Variants in BCR observed in about 807,000 individuals in gnomAD.
The protein encoded by BCR is BCR activator of RhoGEF and GTPase.
BCR carries 58 observed loss-of-function variants against 138.6 expected under a neutral mutation model. The observed-to-expected ratio is 0.42, with a 90% CI of 0.34 to 0.52. The LOEUF is 0.52. Among genes scored for constraint, BCR ranks in the 20% least tolerant of loss-of-function variants. The pLI, the probability that BCR is intolerant of heterozygous loss-of-function variation, is 0.06. For synonymous variants in BCR, 786 were observed against 730.1 expected (o/e 1.08, Z -1.23); for missense variants, 1,599 against 1,727.2 (o/e 0.93, Z 1.32).
intron 3 of BCR, 36 bp from the exon 4 acceptor site, chr22:23,261,319 T>C: frequency 6.3e-7 from 1 of 1,592,712 alleles, no homozygotes; most frequent in Non-Finnish European, 8.6e-7. Context: ...TGGCAGCCCC[T>C]CTCACCTGTG....
At chr22:23,254,571 C>T (rs1000294190) in intron 2 of BCR, 1 of 518,700 alleles carries the variant, frequency 1.9e-6, no homozygotes, top group Non-Finnish European at 3.8e-6. Flanking sequence ...GGACCCACGC[C>T]CCCCCTCACA....
At chr22:23,266,388 C>CTT (rs1022294438) in intron 4 of BCR, among the ~76,000 whole-genome samples, 1 of 143,750 alleles carries the variant, frequency 7.0e-6, no homozygotes, top group Non-Finnish European at 1.5e-5. Flanking sequence ...CGCACCCTGC[C>CTT]TTTTTTTTTT....
chr22:23,202,819 A>G (rs1039730246), intron 1 of BCR, among the ~76,000 whole-genome samples: 1 of 150,672 alleles, frequency 6.6e-6, no homozygotes, highest in Non-Finnish European at 1.5e-5. Context: ...TTAAATGTAC[A>G]GTTCAGTGGC....
chr22:23,197,685 T>C (rs997660503), intron 1 of BCR, among the ~76,000 whole-genome samples: 4 of 151,870 alleles, frequency 2.6e-5, no homozygotes, highest in Admixed American at 2.0e-4. Flanking sequence ...TTGAGGATGA[T>C]AGGGAGCCAC....
intron 16 of BCR, among the ~76,000 whole-genome samples, chr22:23,296,243 G>A (rs1259550806): frequency 2.0e-5 from 3 of 151,968 alleles, no homozygotes; most frequent in Admixed American, 6.6e-5. Flanking sequence ...GCGTGGTGGC[G>A]GGTGCCTGTA....
chr22:23,303,931 C>CTTTTTTTT lies in BCR; in HGVS notation c.3013-5479_3013-5472dup, dbSNP rs131683. On this transcript the variant is annotated intron_variant, in intron 16 of 22. Coordinates refer to ENST00000305877, the MANE Select transcript of BCR (RefSeq NM_004327.4). ...TCTATCACCCCAATTTCCTTGTTGC[C>CTTTTTTTT]TTTTTTTTTTTTTTTTTTTTTAAGA... is the stretch of plus-strand genomic sequence containing the variant. Among the ~76,000 whole-genome samples, 3 of 106,174 alleles carry CTTTTTTTT rather than the reference C, an allele frequency of 2.8e-5. 1 individual carries two copies. The highest frequency in any genetic ancestry group is 1.1e-4 in the Admixed American group (1 of 8,896). 69.7% of individuals were successfully genotyped at this position (106,174 alleles called of 152,430 possible).
intron 16 of BCR, among the ~76,000 whole-genome samples, chr22:23,301,432 C>T (rs2073900875): frequency 6.6e-6 from 1 of 152,224 alleles, no homozygotes; most frequent in South Asian, 2.1e-4. Flanking sequence ...TGTCTCAGGG[C>T]CCCCGTCCCT....
At chr22:23,203,871 T>C (rs530699713) in intron 1 of BCR, among the ~76,000 whole-genome samples, 14 of 152,224 alleles carry the variant, frequency 9.2e-5, no homozygotes, top group African/African-American at 1.7e-4. Context: ...TTGGCTTTCA[T>C]TGAAGCTCCA....
chr22:23,196,233 C>T (rs994883508), intron 1 of BCR, among the ~76,000 whole-genome samples: 1 of 152,248 alleles, frequency 6.6e-6, no homozygotes, highest in East Asian at 1.9e-4. Context: ...GTGCCAGCGT[C>T]CCTCTGGATG....
chr22:23,290,653 C>T, intron 14 of BCR: 1 of 522,396 alleles, frequency 1.9e-6, no homozygotes, highest in Non-Finnish European at 3.5e-6. Context: ...AGCTGGTGAG[C>T]TGCCCCCTGC....
At chr22:23,243,987 T>C (rs2073127585) in intron 1 of BCR, among the ~76,000 whole-genome samples, 1 of 152,082 alleles carries the variant, frequency 6.6e-6, no homozygotes, top group South Asian at 2.1e-4. Context: ...GAACACCCCA[T>C]CTCCACTCCC....
intron 14 of BCR, 96 bp from the exon 15 acceptor site, chr22:23,292,445 T>C (rs1382191903): frequency 1.1e-6 from 1 of 937,588 alleles, no homozygotes; most frequent in African/African-American, 1.7e-5. Flanking sequence ...TTTATTTTTA[T>C]TTTTTCTGAT....
Position 23,295,109 on chromosome 22 carries a change from A to ATT in BCR, c.2966_2967insTT (p.Glu989AspfsTer35). 6.2e-7 allele frequency: 1 copy of ATT among 1,614,160 alleles called. No individual in the cohort carries two copies. The highest frequency in any genetic ancestry group is 2.2e-5 in the East Asian group (1 of 44,868). ...TACAACAAGACGAAGATCCCCAAGG[A>ATT]GGACGGCGAGAGCACGGACAGACTC... On this transcript the variant is annotated frameshift_variant, in exon 16 of 23. Coordinates refer to ENST00000305877, the MANE Select transcript of BCR (RefSeq NM_004327.4). LOFTEE classifies it high-confidence loss of function.
intron 1 of BCR, among the ~76,000 whole-genome samples, chr22:23,214,664 G>A (rs1357536279): frequency 6.6e-6 from 1 of 152,244 alleles, no homozygotes; most frequent in Admixed American, 6.5e-5. Context: ...TCTTTTAGGT[G>A]GAGTTGGCTA....
chr22:23,240,675 A>AAAAAG (rs1325349349), intron 1 of BCR, among the ~76,000 whole-genome samples: 8 of 152,102 alleles, frequency 5.3e-5, no homozygotes, highest in Non-Finnish European at 1.5e-5. Flanking sequence ...AGAAAAAGAA[A>AAAAAG]AAAAGAAAAT....
chr22:23,269,776 G>A (rs1414559820), intron 5 of BCR, among the ~76,000 whole-genome samples: 2 of 152,170 alleles, frequency 1.3e-5, no homozygotes, highest in Admixed American at 1.3e-4. Context: ...TGGTGGCATC[G>A]AATTTCAAGT....
chr22:23,235,950 G>A (rs529943314), intron 1 of BCR, among the ~76,000 whole-genome samples: 51 of 152,316 alleles, frequency 3.3e-4, no homozygotes, highest in African/African-American at 1.2e-3. Context: ...TCACATTGGG[G>A]GTTAGATTTC....
chr22:23,287,938 G>T (rs2073736411), intron 11 of BCR, among the ~76,000 whole-genome samples, 159 bp from the exon 12 acceptor site: 1 of 152,192 alleles, frequency 6.6e-6, no homozygotes, highest in South Asian at 2.1e-4. Context: ...GGAAGGGTAG[G>T]GAGTGCCGGA....
intron 16 of BCR, among the ~76,000 whole-genome samples, chr22:23,304,230 G>A (rs911442436): frequency 2.7e-5 from 4 of 149,768 alleles, no homozygotes; most frequent in East Asian, 2.0e-4. Flanking sequence ...GTGAACCACC[G>A]TGCCCAGCCC....
Sources: allele counts gnomAD v4.1 joint callset (sites outside exome capture counted in the v4.1 genomes callset), GRCh38; gene constraint gnomAD v4.1.1; transcripts MANE v1.5; gene names NCBI Gene and HGNC (gene_info 2026-07-23, HGNC 2026-07-21).